LSAMP: variants seen among roughly 807,000 people sequenced by gnomAD.
The protein encoded by LSAMP is limbic system-associated membrane protein.
In LSAMP, 7 loss-of-function variants were observed where a neutral mutation model predicts 38.6. The ratio of observed to expected loss-of-function variants is 0.18; its 90% CI spans 0.10 to 0.34. The LOEUF (loss-of-function observed/expected upper bound fraction) is 0.34, where lower values mean the gene tolerates loss of function less well. Ranked by LOEUF, LSAMP falls within the 10% of genes least tolerant of loss-of-function variation. The pLI is 1.00. For missense variants in LSAMP, 313 were observed against 420.0 expected, an observed-to-expected ratio of 0.75 and a Z score of 2.23; for synonymous variants, 154 against 166.8, an observed-to-expected ratio of 0.92 and a Z score of 0.59.
intron 1 of LSAMP, among the ~76,000 whole-genome samples, chr3:116,281,369 T>G (rs985913519): frequency 3.3e-5 from 5 of 152,326 alleles, no homozygotes; most frequent in African/African-American, 1.2e-4. Context: ...GAGACAATCC[T>G]TAGTATACCT....
At chr3:116,335,589 G>A (rs376109431) in intron 1 of LSAMP, among the ~76,000 whole-genome samples, 6 of 152,040 alleles carry the variant, frequency 3.9e-5, no homozygotes, top group Non-Finnish European at 2.9e-5. Flanking sequence ...AACTTATGGT[G>A]GGCACCTGCT....
chr3:115,828,015 A>C (rs1433888709), intron 6 of LSAMP, among the ~76,000 whole-genome samples: 1 of 152,210 alleles, frequency 6.6e-6, no homozygotes, highest in East Asian at 1.9e-4. Context: ...TTGTTAACTA[A>C]GCTTAATTTG....
intron 1 of LSAMP, among the ~76,000 whole-genome samples, chr3:116,302,929 A>G (rs933302774): frequency 7.2e-5 from 11 of 152,324 alleles, no homozygotes; most frequent in African/African-American, 2.4e-4. Flanking sequence ...TTGTCAGCCT[A>G]TAAAATAAAT....
chr3:115,817,787 C>G (rs1466831577), intron 6 of LSAMP, among the ~76,000 whole-genome samples: 1 of 152,184 alleles, frequency 6.6e-6, no homozygotes, highest in East Asian at 1.9e-4. Flanking sequence ...GAAGCCAGCA[C>G]TCACCCTGGA....
chr3:115,884,058 C>T (rs1431536590), intron 3 of LSAMP, among the ~76,000 whole-genome samples: 1 of 151,966 alleles, frequency 6.6e-6, no homozygotes, highest in Non-Finnish European at 1.5e-5. Flanking sequence ...AAAATTTGAA[C>T]ATTAACAAAT....
intron 1 of LSAMP, among the ~76,000 whole-genome samples, chr3:116,281,293 T>A (rs1016525651): frequency 2.0e-5 from 3 of 152,180 alleles, no homozygotes; most frequent in Non-Finnish European, 4.4e-5. Context: ...GCCTTCTATT[T>A]TTCAAGTTTC....
intron 1 of LSAMP, among the ~76,000 whole-genome samples, chr3:116,436,502 G>GA (rs1254907392): frequency 3.9e-5 from 6 of 151,952 alleles, no homozygotes; most frequent in Admixed American, 3.3e-4. Flanking sequence ...AAATCAGTAA[G>GA]AAAAAATCCC....
intron 3 of LSAMP, among the ~76,000 whole-genome samples, chr3:115,890,499 T>G (rs1201279308): frequency 6.6e-6 from 1 of 151,936 alleles, no homozygotes; most frequent in Non-Finnish European, 1.5e-5. Flanking sequence ...TCCTTACTTT[T>G]CCAGTTAAGA....
At chr3:115,922,210 C>T (rs1207651080) in intron 3 of LSAMP, among the ~76,000 whole-genome samples, 1 of 151,954 alleles carries the variant, frequency 6.6e-6, no homozygotes, top group East Asian at 1.9e-4. Flanking sequence ...TCCATAATGC[C>T]TATATTGCTT....
chr3:115,972,698 A>G (rs1046348891), intron 3 of LSAMP, among the ~76,000 whole-genome samples: 7 of 151,276 alleles, frequency 4.6e-5, no homozygotes, highest in African/African-American at 1.7e-4. Context: ...AGATTAGATT[A>G]CTGTGGAAAG....
At chr3:116,309,216 C>G (rs944239328) in intron 1 of LSAMP, among the ~76,000 whole-genome samples, 2 of 152,048 alleles carry the variant, frequency 1.3e-5, no homozygotes, top group Non-Finnish European at 2.9e-5. Context: ...TGACAGCATC[C>G]TTCTTCCCAT....
chr3:115,830,118 C>A (rs1011802082), intron 6 of LSAMP, among the ~76,000 whole-genome samples: 10 of 152,202 alleles, frequency 6.6e-5, no homozygotes, highest in Non-Finnish European at 1.2e-4. Flanking sequence ...AAGTAATTAT[C>A]CATGATTAAT....
intron 1 of LSAMP, among the ~76,000 whole-genome samples, chr3:116,224,165 C>T (rs1020685365): frequency 2.0e-5 from 3 of 152,200 alleles, no homozygotes; most frequent in Non-Finnish European, 4.4e-5. Flanking sequence ...CCCTACTAGG[C>T]TGCCAGGTTA....
At chr3:116,232,861 T>C (rs1284268994) in intron 1 of LSAMP, among the ~76,000 whole-genome samples, 1 of 152,032 alleles carries the variant, frequency 6.6e-6, no homozygotes, top group East Asian at 1.9e-4. Context: ...GAGCAGCTGA[T>C]GAACTACTCA....
chr3:116,342,084 G>A (rs1230537492), intron 1 of LSAMP, among the ~76,000 whole-genome samples: 1 of 151,950 alleles, frequency 6.6e-6, no homozygotes, highest in East Asian at 1.9e-4. Flanking sequence ...TTAGTGTGAG[G>A]TTAGTGATTT....
At chr3:116,040,114 A>G (rs1052506744) in intron 2 of LSAMP, among the ~76,000 whole-genome samples, 2 of 152,164 alleles carry the variant, frequency 1.3e-5, no homozygotes, top group African/African-American at 4.8e-5. Context: ...GAGAAAGCAA[A>G]TTCCTGTTAT....
chr3:116,148,491 C>T (rs1709536963), intron 1 of LSAMP, among the ~76,000 whole-genome samples: 1 of 151,896 alleles, frequency 6.6e-6, no homozygotes, highest in East Asian at 1.9e-4. Context: ...CCTCATATTA[C>T]TTTTATAGTC....
chr3:116,103,518 G>T (rs1171046381), intron 1 of LSAMP, among the ~76,000 whole-genome samples: 6 of 120,984 alleles, frequency 5.0e-5, no homozygotes, highest in African/African-American at 9.4e-5. Flanking sequence ...ATATATTTTT[G>T]TTCATGTGTT....
intron 1 of LSAMP, among the ~76,000 whole-genome samples, chr3:116,323,003 T>G (rs182866300): frequency 6.6e-6 from 1 of 152,136 alleles, no homozygotes; most frequent in Non-Finnish European, 1.5e-5. Flanking sequence ...AAAGTGCCAA[T>G]GAAAACTGGC....
Sources: allele counts gnomAD v4.1 joint callset (sites outside exome capture counted in the v4.1 genomes callset), GRCh38; gene constraint gnomAD v4.1.1; transcripts MANE v1.5; gene names NCBI Gene and HGNC (gene_info 2026-07-23, HGNC 2026-07-21).